The following CFAP46 variants were observed in gnomAD, a reference collection of about 807,000 sequenced individuals.
CFAP46 encodes the protein cilia- and flagella-associated protein 46.
A neutral mutation model predicts 325.7 loss-of-function variants in CFAP46; 245 were observed. The ratio of observed to expected loss-of-function variants is 0.75; its 90% confidence interval spans 0.68 to 0.84. The LOEUF (loss-of-function observed/expected upper bound fraction) is 0.84. Ranked by LOEUF, CFAP46 falls within the 40% of genes least tolerant of loss-of-function variation. The pLI is 0.00. For synonymous variants in CFAP46, 1,523 were observed against 1,495.9 expected, an observed-to-expected ratio of 1.02 and a Z score of -0.42; for missense variants, 3,346 against 3,543.0, an observed-to-expected ratio of 0.94 and a Z score of 1.41.
intron 22 of CFAP46, among the ~76,000 whole-genome samples, chr10:132,904,559 G>GA (rs1357358658): frequency 4.6e-5 from 7 of 152,230 alleles, no homozygotes; most frequent in African/African-American, 9.6e-5. Context: ...TAATTTAACA[G>GA]AAAAAATGAT....
Position 132,817,932 on chromosome 10 carries a change from G to T in CFAP46, c.7118-3018C>A, listed in dbSNP as rs1031994718. On this transcript the variant is annotated intron_variant, in intron 50 of 57. Transcript: ENST00000368586. This position sits in a 1 kb window ranked among gnomAD's most constrained non-coding sequence, Gnocchi z 4.4. ...GAATCCTCTCCTGGCTCCTGGCCAC[G>T]CCCTCCATCCTCACCGTCGGCAGCG... Among the ~76,000 whole-genome samples, 3 of 152,146 alleles carry T rather than the reference G, an allele frequency of 2.0e-5. No individual in the cohort carries two copies. Among genetic ancestry groups the T allele is most frequent in the Non-Finnish European group, 2.9e-5 (2 of 68,028 alleles).
At chr10:132,864,423 C>A (rs1564783651) in intron 35 of CFAP46, among the ~76,000 whole-genome samples, 2 of 120,102 alleles carry the variant, frequency 1.7e-5, no homozygotes. Flanking sequence ...GACATGCACA[C>A]ACCTGTCCCC....
intron 19 of CFAP46, among the ~76,000 whole-genome samples, chr10:132,912,391 TCTCTC>T (rs1423800030): frequency 8.0e-6 from 1 of 124,556 alleles, no homozygotes; most frequent in Admixed American, 8.6e-5. Flanking sequence ...CTCTCGCCTC[TCTCTC>T]CTCTCCTCTC....
At chr10:132,918,768 A>G (rs1210437667) in intron 15 of CFAP46, among the ~76,000 whole-genome samples, 1 of 152,056 alleles carries the variant, frequency 6.6e-6, no homozygotes, top group African/African-American at 2.4e-5. Flanking sequence ...ACATCCCTGC[A>G]GATGCTCTTG....
intron 57 of CFAP46, among the ~76,000 whole-genome samples, chr10:132,809,859 A>T (rs1190933765): frequency 1.3e-5 from 2 of 152,166 alleles, no homozygotes; most frequent in African/African-American, 4.8e-5. Context: ...CGGGCGCTGG[A>T]TGCCATGTGA....
At position 132,919,324 on chromosome 10, in the gene CFAP46, G is replaced by T. The variant is rs776822673; in HGVS notation, c.1849C>A (p.Leu617Met). ...GAGGGCGGGTACGAACCTCGCCGCAGCCTCAACTTCTTCACCTTGACGTTG... is the reference window on the plus strand; with the variant it reads ...GAGGGCGGGTACGAACCTCGCCGCATCCTCAACTTCTTCACCTTGACGTTG... ...YDNVKVKKLR[L>M]RRGKKKRGRD... The change falls in exon 15 of 58, where the codon CTG (leucine) becomes ATG (methionine). Residue 617 changes from leucine to methionine, a missense_variant. Physicochemically the swap from Leu to Met is conservative, Grantham distance 15 (BLOSUM62 2). Coordinates refer to ENST00000368586, the MANE Select transcript of CFAP46 (RefSeq NM_001200049.3). This position sits in a 1 kb window ranked among gnomAD's most constrained non-coding sequence, Gnocchi z 9.7. The T allele has an allele frequency of 9.0e-6, 14 of 1,549,772 alleles. No individual in the cohort carries two copies. The highest frequency in any genetic ancestry group is 1.2e-5 in the Non-Finnish European group (14 of 1,146,748).
At chr10:132,898,903 G>A (rs1447924130) in intron 24 of CFAP46, 56 bp downstream of exon 24, 28 of 1,537,794 alleles carry the variant, frequency 1.8e-5, no homozygotes, top group Non-Finnish European at 2.4e-5. Context: ...GTCCTTTCTG[G>A]AAGACCCACT....
rs748296016 is a variant in CFAP46 at position 132,919,396 on chromosome 10, C to G, written c.1777G>C (p.Val593Leu). The change falls in exon 15 of 58, where the codon GTG (valine) becomes CTG (leucine). Residue 593 changes from valine to leucine, a missense_variant. By Grantham distance (32) the Val-to-Leu change is conservative. Coordinates refer to ENST00000368586, the MANE Select transcript of CFAP46 (RefSeq NM_001200049.3). This position sits in a 1 kb window ranked among gnomAD's most constrained non-coding sequence, Gnocchi z 9.7. ...CTCGCCGTCCGACAGACGTCCCACACGCCTTGTTTCCGGGCCACTTTGGCC... is the reference window on the plus strand; with the variant it reads ...CTCGCCGTCCGACAGACGTCCCACAGGCCTTGTTTCCGGGCCACTTTGGCC... ...ELAKVARKQG[V>L]WDVCRTASRF... 3 of 1,550,084 alleles carry G rather than the reference C, an allele frequency of 1.9e-6. No homozygotes were observed. The highest frequency in any genetic ancestry group is 2.7e-5 in the African/African-American group (2 of 73,030).
chr10:132,860,336 C>T (rs1207835231), intron 37 of CFAP46, 81 bp downstream of exon 37: 14 of 1,060,126 alleles, frequency 1.3e-5, no homozygotes, highest in Admixed American at 6.2e-5. Flanking sequence ...ATAGACTTGA[C>T]GTATGGCACA....
rs1439215856 is a variant in CFAP46, at chr10:132,884,738, C to T, written c.3627+365G>A. 4.6e-5 allele frequency among the ~76,000 whole-genome samples: 7 copies of T among 152,070 alleles called. No homozygotes were observed. The highest frequency in any genetic ancestry group is 1.0e-4 in the Non-Finnish European group (7 of 67,994). On this transcript the variant is annotated intron_variant, in intron 27 of 57. Coordinates refer to ENST00000368586, the MANE Select transcript of CFAP46 (RefSeq NM_001200049.3). The surrounding 1 kb of genome is among the most constrained non-coding windows in gnomAD (Gnocchi z 5.4). The stretch of plus-strand genomic sequence containing the variant: ...CTCTCCTGTGCAGCCACCCGCCCAT[C>T]GGGGCCCCTGCCTGCTCTCCTCTGC...
In CFAP46 at chr10:132,835,408, T is replaced by C. The variant is rs541022653; in HGVS notation, c.6640A>G (p.Ile2214Val). ...AGGTGGGAGAAGGCAGTGGGACTTA[T>C]GGCCAGACGCATCACCTTGCAGGAG... is the stretch of plus-strand genomic sequence containing the variant. Reference protein sequence around the residue: ...GGSCKVMRLAISPTAFSHLLA... With the variant: ...GGSCKVMRLAVSPTAFSHLLA... The change falls in exon 47 of 58, where the codon ATA (isoleucine) becomes GTA (valine). Residue 2214 changes from isoleucine (I) to valine (V), a missense_variant. Coordinates refer to ENST00000368586, the MANE Select transcript of CFAP46 (RefSeq NM_001200049.3). 13 of 1,613,404 alleles carry C rather than the reference T, an allele frequency of 8.1e-6. No individual in the cohort carries two copies. The highest frequency in any genetic ancestry group is 1.3e-5 in the African/African-American group (1 of 74,922).
intron 37 of CFAP46, among the ~76,000 whole-genome samples, chr10:132,859,597 G>A (rs555118467): frequency 3.9e-5 from 6 of 152,252 alleles, no homozygotes; most frequent in Admixed American, 1.3e-4. Flanking sequence ...CTGTTCACAC[G>A]CTGCAGCTGG....
intron 9 of CFAP46, among the ~76,000 whole-genome samples, chr10:132,928,283 A>G (rs1171291493): frequency 6.6e-6 from 1 of 152,216 alleles, no homozygotes; most frequent in Non-Finnish European, 1.5e-5. Context: ...CAGGCGTTCC[A>G]TAGTCATTCT....
In CFAP46 at chr10:132,929,446, T is replaced by C. The variant is rs746999448; in HGVS notation, c.966+259A>G. On this transcript the variant is annotated intron_variant, in intron 9 of 57. Transcript: ENST00000368586. ...CATGAAATTTTACGCCGTCCGTAAATTGGACTCTAGAAACAACTGTGGTGC... is the reference window on the plus strand; with the variant it reads ...CATGAAATTTTACGCCGTCCGTAAACTGGACTCTAGAAACAACTGTGGTGC... 5 of 717,034 alleles carry C rather than the reference T, an allele frequency of 7.0e-6. No individual in the cohort carries two copies. In the East Asian group the frequency reaches 1.1e-4, roughly 15 times the overall value. The allele number at this position is 717,034 out of a possible 1,614,324, so 44.4% of individuals were successfully genotyped here.
intron 44 of CFAP46, among the ~76,000 whole-genome samples, chr10:132,837,912 C>T (rs553416978): frequency 3.9e-5 from 6 of 152,022 alleles, no homozygotes; most frequent in South Asian, 4.2e-4. Context: ...AACACATACA[C>T]GGACCCAGAC....
At chr10:132,895,169 G>A (rs922442549) in intron 24 of CFAP46, among the ~76,000 whole-genome samples, 2 of 152,188 alleles carry the variant, frequency 1.3e-5, no homozygotes, top group Non-Finnish European at 1.5e-5. Flanking sequence ...ATCAGTCAGC[G>A]TGATGCACAG....
At chr10:132,860,362 A>G in intron 37 of CFAP46, 55 bp downstream of exon 37, 1 of 1,410,788 alleles carries the variant, frequency 7.1e-7, no homozygotes, top group Non-Finnish European at 9.8e-7. Context: ...TGCAGATGGA[A>G]AAGAGGAAAC....
chr10:132,882,961 G>A (rs553206125), intron 27 of CFAP46, among the ~76,000 whole-genome samples: 14 of 152,090 alleles, frequency 9.2e-5, no homozygotes, highest in East Asian at 5.8e-4. Flanking sequence ...GAGGAGTGCC[G>A]GGGACCCTGC....
chr10:132,810,348 C>G, intron 57 of CFAP46, 61 bp downstream of exon 57: 2 of 1,425,450 alleles, frequency 1.4e-6, no homozygotes, highest in Non-Finnish European at 2.0e-6. Context: ...TGCACGTGCC[C>G]CATGGGCAGT....
Sources: allele counts gnomAD v4.1 joint callset (sites outside exome capture counted in the v4.1 genomes callset), GRCh38; gene constraint gnomAD v4.1.1; non-coding constraint Gnocchi (gnomAD v3.1); transcripts MANE v1.5; gene names NCBI Gene and HGNC (gene_info 2026-07-23, HGNC 2026-07-21).